Variants in ERC2 observed in about 807,000 individuals in gnomAD.
The protein encoded by ERC2 is ELKS/RAB6-interacting/CAST family member 2, also known as ERC protein 2.
Under a neutral mutation model 114.8 loss-of-function variants are expected in ERC2, and 42 were observed. The observed-to-expected ratio is 0.37, with a 90% CI of 0.29 to 0.47. ERC2 has a LOEUF of 0.47. ERC2 is among the 20% of genes least tolerant of loss of function. The pLI is 0.99. For synonymous variants in ERC2, 454 were observed against 425.5 expected (o/e 1.07, Z -0.82); for missense variants, 939 against 1,150.7 (o/e 0.82, Z 2.66).
At chr3:55,591,574 C>CGTGTGT (rs3059305) in intron 17 of ERC2, among the ~76,000 whole-genome samples, 128 of 148,268 alleles carry the variant, frequency 8.6e-4, no homozygotes, top group East Asian at 2.0e-3. Flanking sequence ...AGTTTGTGTG[C>CGTGTGT]GTGTGTGTGT....
chr3:56,018,172 G>T (rs2073437807), intron 8 of ERC2, among the ~76,000 whole-genome samples: 1 of 152,068 alleles, frequency 6.6e-6, no homozygotes, highest in Non-Finnish European at 1.5e-5. Flanking sequence ...ATATTTTCAT[G>T]CATTTTCTCC....
At chr3:56,219,687 A>AG (rs943701253) in intron 3 of ERC2, among the ~76,000 whole-genome samples, 1 of 151,608 alleles carries the variant, frequency 6.6e-6, no homozygotes, top group African/African-American at 2.4e-5. Flanking sequence ...AAAAAAAAAA[A>AG]AAAAGAAATG....
chr3:56,252,705 C>T (rs1316968015), intron 3 of ERC2, among the ~76,000 whole-genome samples: 1 of 143,444 alleles, frequency 7.0e-6, no homozygotes, highest in Middle Eastern at 3.8e-3. Context: ...TGTGGTGAGC[C>T]AAGGTCGCGC....
intron 14 of ERC2, among the ~76,000 whole-genome samples, chr3:55,816,385 G>T (rs758726246): frequency 6.6e-5 from 10 of 152,138 alleles, no homozygotes; most frequent in Non-Finnish European, 1.2e-4. Context: ...TCAAAACTGT[G>T]ACCCATGTGG....
intron 3 of ERC2, among the ~76,000 whole-genome samples, chr3:56,203,771 G>T (rs1560366418): frequency 6.6e-6 from 1 of 152,200 alleles, no homozygotes; most frequent in African/African-American, 2.4e-5. Context: ...CCATATGAGT[G>T]GAGGAAGGTA....
intron 3 of ERC2, among the ~76,000 whole-genome samples, chr3:56,205,535 T>C (rs112350823): frequency 1.4e-3 from 214 of 152,292 alleles, no homozygotes; most frequent in African/African-American, 5.0e-3. Flanking sequence ...TTAGGGCCTA[T>C]TATCTTTTAC....
intron 17 of ERC2, among the ~76,000 whole-genome samples, chr3:55,666,315 C>T (rs1429675012): frequency 6.6e-6 from 1 of 152,152 alleles, no homozygotes; most frequent in African/African-American, 2.4e-5. Flanking sequence ...CCCTCTGTAC[C>T]TCCACCTGCC....
At chr3:55,526,207 T>G (rs1191590678) in intron 17 of ERC2, among the ~76,000 whole-genome samples, 1 of 152,134 alleles carries the variant, frequency 6.6e-6, no homozygotes, top group Non-Finnish European at 1.5e-5. Context: ...CCTAGAGGCT[T>G]CGAAGAGGGA....
chr3:55,651,676 T>C (rs1559801779), intron 17 of ERC2, among the ~76,000 whole-genome samples: 1 of 152,208 alleles, frequency 6.6e-6, no homozygotes, highest in Non-Finnish European at 1.5e-5. Flanking sequence ...TAGCAGTCCA[T>C]ACATGTGGTT....
chr3:55,606,155 T>C (rs896524351), intron 17 of ERC2, among the ~76,000 whole-genome samples: 9 of 152,138 alleles, frequency 5.9e-5, no homozygotes, highest in African/African-American at 1.4e-4. Context: ...CAACAACAGA[T>C]AGTCCAAACT....
At chr3:55,727,534 T>G (rs534327512) in intron 15 of ERC2, among the ~76,000 whole-genome samples, 8 of 152,214 alleles carry the variant, frequency 5.3e-5, no homozygotes, top group East Asian at 1.9e-4. Context: ...AGCCTAGAAC[T>G]AACCCAAATG....
chr3:55,963,972 C>T, intron 12 of ERC2, among the ~76,000 whole-genome samples: 1 of 151,974 alleles, frequency 6.6e-6, no homozygotes, highest in East Asian at 1.9e-4. Flanking sequence ...GTGGTCCAGA[C>T]ATAAAATAAA....
chr3:55,565,746 C>T (rs2056326334), intron 17 of ERC2, among the ~76,000 whole-genome samples: 1 of 152,180 alleles, frequency 6.6e-6, no homozygotes, highest in Non-Finnish European at 1.5e-5. Flanking sequence ...TGAAAACTTG[C>T]TAAATCATTT....
At chr3:56,284,803 G>T (rs538941555) in intron 3 of ERC2, among the ~76,000 whole-genome samples, 1 of 151,942 alleles carries the variant, frequency 6.6e-6, no homozygotes, top group Non-Finnish European at 1.5e-5. Flanking sequence ...TTCCCATGTG[G>T]TATATCAGAT....
chr3:56,350,021 A>C (rs985842586), intron 2 of ERC2, among the ~76,000 whole-genome samples: 2 of 152,228 alleles, frequency 1.3e-5, no homozygotes, highest in African/African-American at 4.8e-5. Flanking sequence ...CCTATAGAAC[A>C]AACAGGCACA....
chr3:56,044,609 C>CT (rs1295188611), intron 7 of ERC2, among the ~76,000 whole-genome samples: 1 of 152,078 alleles, frequency 6.6e-6, no homozygotes, highest in African/African-American at 2.4e-5. Flanking sequence ...TTAAAGTACT[C>CT]TATCTATGCT....
intron 7 of ERC2, among the ~76,000 whole-genome samples, chr3:56,045,717 A>G (rs927729866): frequency 1.3e-5 from 2 of 152,184 alleles, no homozygotes; most frequent in Non-Finnish European, 2.9e-5. Context: ...ATTCCTCTCA[A>G]GAATTTTTTG....
chr3:55,904,023 G>C (rs1488045179), intron 13 of ERC2, among the ~76,000 whole-genome samples: 2 of 152,292 alleles, frequency 1.3e-5, no homozygotes, highest in East Asian at 3.9e-4. Context: ...GGACTTTCTT[G>C]CCTGAGATTA....
chr3:55,698,660 G>A (rs115780415), intron 16 of ERC2, among the ~76,000 whole-genome samples: 2,068 of 152,228 alleles, frequency 0.014, 38 homozygotes, highest in African/African-American at 0.046. Flanking sequence ...GTACAACAAA[G>A]TAAGAAATAT....
Sources: allele counts gnomAD v4.1 joint callset (sites outside exome capture counted in the v4.1 genomes callset), GRCh38; gene constraint gnomAD v4.1.1; transcripts MANE v1.5; gene names NCBI Gene and HGNC (gene_info 2026-07-23, HGNC 2026-07-21).